The following TENM1 variants were observed in gnomAD, a reference collection of about 807,000 sequenced individuals.
TENM1 encodes the protein teneurin transmembrane protein 1, also known as teneurin-1.
Under a neutral mutation model 174.8 loss-of-function variants are expected in TENM1, and 35 were observed. The observed-to-expected ratio is 0.20, with a 90% CI of 0.15 to 0.27. The LOEUF (loss-of-function observed/expected upper bound fraction) is 0.27. TENM1 is among the 10% of genes least tolerant of loss of function. The pLI is 1.00. For synonymous variants in TENM1, 781 were observed against 798.7 expected (o/e 0.98, Z 0.37); for missense variants, 1,633 against 2,130.1 (o/e 0.77, Z 4.59).
chrX:124,785,066 C>T (rs930705794), intron 3 of TENM1, among the ~76,000 whole-genome samples: 3 of 111,581 alleles, frequency 2.7e-5, no homozygotes, highest in African/African-American at 9.8e-5. Context: ...TGGTTTGAGG[C>T]TATTGTAGGC....
At chrX:124,989,410 C>T in the TENM1 span, among the ~76,000 whole-genome samples, 1 of 111,299 alleles carries the variant, frequency 9.0e-6, no homozygotes, top group Non-Finnish European at 1.9e-5. Flanking sequence ...TGGACAAATA[C>T]ACCATGGTCA....
At chrX:124,421,467 G>C (rs1316250454) in intron 24 of TENM1, among the ~76,000 whole-genome samples, 1 of 112,186 alleles carries the variant, frequency 8.9e-6, no homozygotes, top group Non-Finnish European at 1.9e-5. Context: ...CAAAGGTTAA[G>C]AGAACCATTC....
chrX:125,144,477 C>G, the TENM1 span, among the ~76,000 whole-genome samples: 1 of 111,511 alleles, frequency 9.0e-6, no homozygotes, highest in Non-Finnish European at 1.9e-5. Context: ...GAGAGAACAG[C>G]TAAGCATTTC....
intron 1 of TENM1, among the ~76,000 whole-genome samples, chrX:124,913,321 T>A (rs1023150812): frequency 1.8e-5 from 2 of 111,590 alleles, no homozygotes; most frequent in Non-Finnish European, 3.8e-5. Context: ...TACTTACTGC[T>A]CAGACATGCA....
At chrX:124,727,203 AAC>A (rs974265821) in intron 4 of TENM1, among the ~76,000 whole-genome samples, 6 of 112,500 alleles carry the variant, frequency 5.3e-5, no homozygotes, top group African/African-American at 1.9e-4. Flanking sequence ...TGTCTTTGTG[AAC>A]TGAAGTGGTC....
rs1168253870 is a variant in TENM1, at chrX:124,583,850, T to A, written c.2078-18290A>T. On this transcript the variant is annotated intron_variant, in intron 11 of 31. Transcript: ENST00000422452. ...ACAGAGAAGTGCTTAAAGGAGCTGA[T>A]GGAGCTGAAACCAAGGCTCGAGAAC... 0.018 allele frequency among the ~76,000 whole-genome samples: 23 copies of A among 1,298 alleles called. No individual in the cohort carries two copies. In the Admixed American group the frequency reaches 0.19, roughly 11 times the overall value. 1.1% of individuals were successfully genotyped at this position (1,298 alleles called of 115,157 possible).
intron 3 of TENM1, among the ~76,000 whole-genome samples, chrX:124,844,216 A>G (rs923687911): frequency 1.8e-5 from 2 of 111,959 alleles, no homozygotes. Flanking sequence ...GTAGAAAGCA[A>G]TTTTCAAGGG....
chrX:124,535,820 C>T (rs1291328771), intron 15 of TENM1, among the ~76,000 whole-genome samples: 1 of 112,018 alleles, frequency 8.9e-6, no homozygotes, highest in Non-Finnish European at 1.9e-5. Context: ...GTTGTAAGAT[C>T]CTTGCAACCT....
chrX:124,423,462 T>C (rs1330940087), intron 23 of TENM1, among the ~76,000 whole-genome samples: 2 of 111,648 alleles, frequency 1.8e-5, no homozygotes, highest in East Asian at 5.6e-4. Flanking sequence ...CTCAAATGAT[T>C]TGTGGTATAG....
chrX:124,972,187 C>G, the TENM1 span, among the ~76,000 whole-genome samples: 1 of 107,529 alleles, frequency 9.3e-6, no homozygotes, highest in Non-Finnish European at 1.9e-5. Flanking sequence ...GAGACAAGAT[C>G]GTGCCACTGC....
chrX:124,849,985 T>G (rs1003775847), intron 3 of TENM1, among the ~76,000 whole-genome samples: 3 of 111,816 alleles, frequency 2.7e-5, no homozygotes, highest in Non-Finnish European at 5.7e-5. Flanking sequence ...CTCACACAAC[T>G]TATCCTCACA....
chrX:124,679,810 G>A (rs1419283236), intron 5 of TENM1, among the ~76,000 whole-genome samples: 1 of 111,554 alleles, frequency 9.0e-6, no homozygotes, highest in African/African-American at 3.3e-5. Context: ...TGCCTCAGCA[G>A]TTTCATTCAA....
At chrX:124,640,257 C>T (rs956485565) in intron 11 of TENM1, among the ~76,000 whole-genome samples, 4 of 111,400 alleles carry the variant, frequency 3.6e-5, no homozygotes, top group Non-Finnish European at 5.7e-5. Flanking sequence ...TCCTGTATTA[C>T]GTCTATGTGA....
At chrX:124,825,954 T>C (rs181361703) in intron 3 of TENM1, among the ~76,000 whole-genome samples, 2 of 112,561 alleles carry the variant, frequency 1.8e-5, no homozygotes, top group Admixed American at 1.9e-4. Flanking sequence ...CTATCGGTTG[T>C]AACATAATTT....
At chrX:124,523,970 G>A (rs1207241426) in intron 16 of TENM1, among the ~76,000 whole-genome samples, 1 of 107,228 alleles carries the variant, frequency 9.3e-6, no homozygotes, top group African/African-American at 3.4e-5. Flanking sequence ...CGCCTCCTGG[G>A]TTCAAGCGAT....
chrX:124,928,093 A>G (rs2058116770), intron 1 of TENM1, among the ~76,000 whole-genome samples: 1 of 112,115 alleles, frequency 8.9e-6, no homozygotes, highest in Non-Finnish European at 1.9e-5. Flanking sequence ...ATGAATCAAA[A>G]CTGAAATAAC....
intron 22 of TENM1, among the ~76,000 whole-genome samples, chrX:124,471,501 TATATA>T (rs1206154347): frequency 1.4e-5 from 1 of 69,692 alleles, no homozygotes; most frequent in Non-Finnish European, 2.4e-5. Context: ...TATTATATAA[TATATA>T]ATATATAGTA....
chrX:124,674,303 CAAAAAAAAAA>C (rs745969451), intron 5 of TENM1, among the ~76,000 whole-genome samples: 5 of 16,623 alleles, frequency 3.0e-4, no homozygotes, highest in African/African-American at 4.2e-4. Flanking sequence ...TATCAAAAGG[CAAAAAAAAAA>C]AAAAAAAAAA....
intron 3 of TENM1, among the ~76,000 whole-genome samples, chrX:124,798,171 T>C (rs919059386): frequency 4.5e-5 from 5 of 112,076 alleles, no homozygotes; most frequent in Admixed American, 9.5e-5. Flanking sequence ...TGTGTCTTTA[T>C]AGTAGAATGA....
Sources: gnomAD v4.1 joint callset for allele counts (sites outside exome capture counted in the v4.1 genomes callset) on GRCh38, gnomAD v4.1.1 for gene constraint, MANE v1.5 for transcripts, NCBI Gene and HGNC (gene_info 2026-07-23, HGNC 2026-07-21) for gene names.